TNIP1: variants seen among roughly 807,000 people sequenced by gnomAD.
The protein encoded by TNIP1 is TNFAIP3-interacting protein 1.
In TNIP1, 22 loss-of-function variants were observed where a neutral mutation model predicts 86.6. The ratio of observed to expected loss-of-function variants is 0.25; its 90% CI spans 0.18 to 0.36. The LOEUF (loss-of-function observed/expected upper bound fraction) is 0.36. Among genes scored for constraint, TNIP1 ranks in the 10% least tolerant of loss-of-function variants. The pLI is 1.00. For missense variants in TNIP1, 709 were observed against 820.6 expected, an observed-to-expected ratio of 0.86 and a Z score of 1.66; for synonymous variants, 294 against 313.0, an observed-to-expected ratio of 0.94 and a Z score of 0.64.
intron 4 of TNIP1, among the ~76,000 whole-genome samples, chr5:151,060,909 C>T (rs1761478263): frequency 2.0e-5 from 3 of 152,226 alleles, no homozygotes; most frequent in Admixed American, 1.3e-4. Flanking sequence ...TTTCCCAGAA[C>T]ACAGATGGCA....
intron 1 of TNIP1, among the ~76,000 whole-genome samples, chr5:151,076,789 T>C (rs1354561864): frequency 6.6e-6 from 1 of 151,904 alleles, no homozygotes; most frequent in Non-Finnish European, 1.5e-5. Flanking sequence ...GCCTACGAGG[T>C]GGAAAGCGCC....
chr5:151,059,824 AGAGAGTGTGTGTGTGT>A (rs1166880635), intron 5 of TNIP1, among the ~76,000 whole-genome samples: 4 of 79,398 alleles, frequency 5.0e-5, no homozygotes, highest in Non-Finnish European at 9.3e-5. Context: ...AGAGAGAGAG[AGAGAGTGTGTGTGTGT>A]GTGTGTGTGT....
rs1341665495 is a variant in TNIP1, at chr5:151,063,698, C to T, written c.186G>A (p.Lys62=). Residue 62 remains lysine, a synonymous_variant, in exon 3 of 18, where the codon AAG becomes AAA. Transcript: ENST00000521591. ...CGTTGTCCTTCACTAGCTCCTCTGC[C>T]TTCTGCCGGAGCCTGGTCGCTTCCA... ...SQMEATRLRQ[K]AEELVKDNEL... is the part of the protein sequence containing the mutation. 6.2e-7 allele frequency: 1 copy of T among 1,614,114 alleles called. No homozygotes were observed. The highest frequency in any genetic ancestry group is 1.1e-5 in the South Asian group (1 of 91,080).
Position 151,030,460 on chromosome 5 carries a change from C to T in TNIP1, c.*253G>A. 1.7e-6 allele frequency: 1 copy of T among 580,862 alleles called. No individual in the cohort carries two copies. Among genetic ancestry groups the T allele is most frequent in the Non-Finnish European group, 3.0e-6 (1 of 329,474 alleles). 36.0% of individuals were successfully genotyped at this position (580,862 alleles called of 1,614,324 possible). A position where few individuals can be genotyped will look rare whatever the true frequency, so the allele number is the denominator to read the frequency against. On this transcript the variant is annotated 3_prime_UTR_variant, in exon 18 of 18. Transcript: ENST00000521591. Reference sequence around the variant, plus strand: ...TGGGTCAAAGCCGGATGAGGCCTCTCTCCACTCAGCAGCAGGGAAGGAGTT... The same window carrying T: ...TGGGTCAAAGCCGGATGAGGCCTCTTTCCACTCAGCAGCAGGGAAGGAGTT...
At chr5:151,045,718 G>C in intron 9 of TNIP1, 143 bp downstream of exon 9, 2 of 745,444 alleles carry the variant, frequency 2.7e-6, no homozygotes, top group Non-Finnish European at 4.6e-6. Context: ...CCTCATCCAT[G>C]GGCAGGCAGG....
intron 15 of TNIP1, 112 bp from the exon 16 acceptor site, chr5:151,033,911 C>A: frequency 3.1e-6 from 3 of 972,590 alleles, no homozygotes; most frequent in South Asian, 2.7e-5. Flanking sequence ...GGCTGGGTAC[C>A]AAAGGCTGGT....
At chr5:151,050,877 A>T (rs963198703) in intron 7 of TNIP1, among the ~76,000 whole-genome samples, 2 of 151,836 alleles carry the variant, frequency 1.3e-5, no homozygotes, top group Non-Finnish European at 2.9e-5. Context: ...GTGGTGATGT[A>T]TTTCACCAGG....
intron 5 of TNIP1, among the ~76,000 whole-genome samples, chr5:151,057,160 T>C (rs1581833701): frequency 6.6e-6 from 1 of 152,226 alleles, no homozygotes; most frequent in Non-Finnish European, 1.5e-5. Context: ...AGGCCACTGG[T>C]GGCTCCACAG....
intron 3 of TNIP1, among the ~76,000 whole-genome samples, 154 bp from the exon 4 acceptor site, chr5:151,062,366 T>G (rs952347996): frequency 1.3e-5 from 2 of 152,104 alleles, no homozygotes; most frequent in Non-Finnish European, 2.9e-5. Flanking sequence ...GGCCAGGTAG[T>G]CTGAGAAAAT....
rs546034309 is a variant in TNIP1 at position 151,047,990 on chromosome 5, G to T, written c.846+1834C>A. Among the ~76,000 whole-genome samples the T allele has an allele frequency of 2.0e-3, 303 of 152,362 alleles. 1 individual carries two copies. Among genetic ancestry groups the T allele is most frequent in the African/African-American group, 6.2e-3 (256 of 41,588 alleles). On this transcript the variant is annotated intron_variant, in intron 8 of 17. Transcript: ENST00000521591. ...CTGCACCCCCAAGTGGCTTCAGGTAGGGCTGGGTGCAGAGCTTGCCCCCTA... is the reference window on the plus strand; with the variant it reads ...CTGCACCCCCAAGTGGCTTCAGGTATGGCTGGGTGCAGAGCTTGCCCCCTA...
chr5:151,034,882 T>G, intron 15 of TNIP1, 120 bp downstream of exon 15: 1 of 1,043,950 alleles, frequency 9.6e-7, no homozygotes, highest in Non-Finnish European at 1.5e-6. Flanking sequence ...CCTGTATTAC[T>G]CATCAGTTAG....
upstream of TNIP1, among the ~76,000 whole-genome samples, chr5:151,086,010 G>A (rs1764264961): frequency 6.6e-6 from 1 of 152,154 alleles, no homozygotes; most frequent in Non-Finnish European, 1.5e-5. Flanking sequence ...CTTGGCCTCT[G>A]TTCCTTGCCT....
At chr5:151,034,494 C>A in intron 15 of TNIP1, 1 of 276,726 alleles carries the variant, frequency 3.6e-6, no homozygotes. Flanking sequence ...AAGGCTCATA[C>A]ATGGGCACGG....
chr5:151,059,795 G>C (rs1364720010), intron 5 of TNIP1, among the ~76,000 whole-genome samples: 7 of 100,888 alleles, frequency 6.9e-5, no homozygotes, highest in African/African-American at 3.7e-4. Context: ...GAGAGAGAGA[G>C]AGAGAGAGAG....
intron 5 of TNIP1, among the ~76,000 whole-genome samples, chr5:151,059,824 A>AGTGTGTGT (rs1761224282): frequency 3.8e-5 from 3 of 79,448 alleles, no homozygotes; most frequent in East Asian, 1.3e-3. Context: ...AGAGAGAGAG[A>AGTGTGTGT]GAGAGTGTGT....
intron 10 of TNIP1, 26 bp downstream of exon 10, chr5:151,042,870 G>C (rs1444599368): frequency 1.2e-6 from 2 of 1,612,898 alleles, no homozygotes; most frequent in Non-Finnish European, 1.7e-6. Context: ...CATGCCCTGT[G>C]GGCGTGGCCA....
chr5:151,079,292 G>A (rs1404486366), intron 1 of TNIP1, among the ~76,000 whole-genome samples: 1 of 152,134 alleles, frequency 6.6e-6, no homozygotes, highest in Non-Finnish European at 1.5e-5. Flanking sequence ...CCTTCTCTGG[G>A]CCTCAGTTTC....
At chr5:151,060,005 A>G (rs1761339695) in intron 5 of TNIP1, among the ~76,000 whole-genome samples, 1 of 152,088 alleles carries the variant, frequency 6.6e-6, no homozygotes, top group African/African-American at 2.4e-5. Context: ...CGGGGTTGGA[A>G]GCCCACAGAC....
rs996234724 is a variant in TNIP1, at chr5:151,036,653, A to G, written c.1395+137T>C. Reference sequence around the variant, plus strand: ...TGCTGGAAAGGATAAACCTAGAGCCAGTGGGGGGCCCTGGCCAATGGCCAG... The same window carrying G: ...TGCTGGAAAGGATAAACCTAGAGCCGGTGGGGGGCCCTGGCCAATGGCCAG... On this transcript the variant is annotated intron_variant, in intron 13 of 17. Transcript: ENST00000521591. 3 of 1,306,554 alleles carry G rather than the reference A, an allele frequency of 2.3e-6. No individual in the cohort carries two copies. In the African/African-American group the frequency reaches 4.4e-5, roughly 19 times the overall value. The allele number at this position is 1,306,554 out of a possible 1,614,324, so 80.9% of individuals were successfully genotyped here. A position where few individuals can be genotyped will look rare whatever the true frequency, so the allele number is the denominator to read the frequency against.
Sources: gnomAD v4.1 joint callset for allele counts (sites outside exome capture counted in the v4.1 genomes callset) on GRCh38, gnomAD v4.1.1 for gene constraint, MANE v1.5 for transcripts, NCBI Gene and HGNC (gene_info 2026-07-23, HGNC 2026-07-21) for gene names.